STK36: variants seen among roughly 807,000 people sequenced by gnomAD.
STK36 encodes serine/threonine kinase 36.
A neutral mutation model predicts 142.2 loss-of-function variants in STK36; 116 were observed. The ratio of observed to expected loss-of-function variants is 0.82; its 90% CI spans 0.70 to 0.95. The LOEUF is 0.95. Ranked by LOEUF, STK36 falls within the 40% of genes least tolerant of loss-of-function variation. STK36 has a pLI of 0.00. For synonymous variants in STK36, 619 were observed against 641.7 expected, an observed-to-expected ratio of 0.96 and a Z score of 0.53; for missense variants, 1,422 against 1,617.2, an observed-to-expected ratio of 0.88 and a Z score of 2.07.
At chr2:218,677,462 G>T (rs1471708769) in intron 6 of STK36, among the ~76,000 whole-genome samples, 1 of 152,212 alleles carries the variant, frequency 6.6e-6, no homozygotes, top group Admixed American at 6.5e-5. Context: ...TCTTAATTCT[G>T]GGAGGGTGTT....
At chr2:218,700,132 G>A (rs1227202908) in intron 26 of STK36, among the ~76,000 whole-genome samples, 3 of 151,992 alleles carry the variant, frequency 2.0e-5, no homozygotes, top group Non-Finnish European at 4.4e-5. Context: ...TGTTGGTCAG[G>A]CTGGTCTCGA....
chr2:218,692,183 G>A lies in STK36; in HGVS notation c.1805G>A (p.Arg602Gln), dbSNP rs201058993. ...TGCGAAGCCATGGATGGGAACAGCCGGGCCATCTCCAAAGCCTTTTACTCC... is the reference window on the plus strand; with the variant it reads ...TGCGAAGCCATGGATGGGAACAGCCAGGCCATCTCCAAAGCCTTTTACTCC... Reference protein sequence around the residue: ...VLCEAMDGNSRAISKAFYSSL... With the variant: ...VLCEAMDGNSQAISKAFYSSL... Residue 602 changes from arginine to glutamine, a missense_variant, in exon 15 of 27, where the codon CGG (arginine) becomes CAG (glutamine). By Grantham distance (43) the Arg-to-Gln change is conservative. Transcript: ENST00000295709. 251 of 1,614,016 alleles carry A rather than the reference G, an allele frequency of 1.6e-4. No individual in the cohort carries two copies. The highest frequency in any genetic ancestry group is 4.0e-5 in the Non-Finnish European group (47 of 1,180,052).
At position 218,681,464 on chromosome 2, in the gene STK36, CT is replaced by C. The variant is rs544860062; in HGVS notation, c.1236+770del. ...TTAATATGTTTTTTTTGAGTTTTGC[CT>C]TTTTTTTAAAATAATTTCAAACTTA... On this transcript the variant is annotated intron_variant, in intron 10 of 26. Coordinates refer to ENST00000295709, the MANE Select transcript of STK36 (RefSeq NM_015690.5). Among the ~76,000 whole-genome samples the C allele has an allele frequency of 6.7e-4, 102 of 152,038 alleles. 1 individual carries two copies. The highest frequency in any genetic ancestry group is 1.1e-3 in the Non-Finnish European group (78 of 67,964).
rs1559342702 is a variant in STK36, at chr2:218,694,313, G to A, written c.2386G>A (p.Val796Ile). 1 of 1,614,102 alleles carries A rather than the reference G, an allele frequency of 6.2e-7. No individual in the cohort carries two copies. The highest frequency in any genetic ancestry group is 8.5e-7 in the Non-Finnish European group (1 of 1,179,934). Residue 796 changes from valine to isoleucine, a missense_variant, in exon 20 of 27, where the codon GTC becomes ATC. By Grantham distance (29) the Val-to-Ile change is conservative (BLOSUM62 3). Transcript: ENST00000295709. The surrounding 1 kb of genome is among the most constrained non-coding windows in gnomAD (Gnocchi z 4.4). ...DVATLFTHSH[V>I]VSLVSAAACL... ...TGCTACTCTCTTTACCCATTCGCAT[G>A]TCGTCTCTCTTGTGGTAAGTTTTTA...
At chr2:218,680,527 A>G in intron 9 of STK36, 76 bp from the exon 10 acceptor site, 1 of 1,218,866 alleles carries the variant, frequency 8.2e-7, no homozygotes, top group Non-Finnish European at 1.2e-6. Flanking sequence ...TCCTGGGTCT[A>G]CAGAGAGGGA....
At chr2:218,697,237 T>C in intron 23 of STK36, 24 bp downstream of exon 23, 1 of 1,601,498 alleles carries the variant, frequency 6.2e-7, no homozygotes, top group Non-Finnish European at 8.5e-7. Flanking sequence ...AGTATCCTTT[T>C]TGGGAGTGCA....
At position 218,672,825 on chromosome 2, in the gene STK36, C is replaced by T. The variant is rs768412752; in HGVS notation, c.-5C>T. 8 of 1,613,984 alleles carry T rather than the reference C, an allele frequency of 5.0e-6. No individual in the cohort carries two copies. Among genetic ancestry groups the T allele is most frequent in the Middle Eastern group, 1.6e-4 (1 of 6,062 alleles). On this transcript the variant is annotated 5_prime_UTR_variant, in exon 2 of 27. Coordinates refer to ENST00000295709, the MANE Select transcript of STK36 (RefSeq NM_015690.5). ...TTCCTTCTAAGAGATCCTGAAACCT[C>T]TGTCATGGAAAAGTACCACGTGTTG...
chr2:218,692,399 G>T, intron 15 of STK36, 106 bp downstream of exon 15: 1 of 1,522,894 alleles, frequency 6.6e-7, no homozygotes, highest in South Asian at 1.2e-5. Context: ...TTTAGTAGGT[G>T]CTCAATAAAT....
In STK36 at chr2:218,697,539, G is replaced by T; in HGVS notation, c.2838G>T (p.Gln946His). 1 of 1,614,228 alleles carries T rather than the reference G, an allele frequency of 6.2e-7. No individual in the cohort carries two copies. Among genetic ancestry groups the T allele is most frequent in the Non-Finnish European group, 8.5e-7 (1 of 1,180,050 alleles). Residue 946 changes from glutamine (Q) to histidine (H), a missense_variant, in exon 24 of 27, where the codon CAG becomes CAT. Physicochemically the swap from Gln to His is conservative, Grantham distance 24 (BLOSUM62 0). This residue lies in a region of STK36 where 962 missense variants were observed against 1,167.5 expected (regional missense o/e 0.82). Coordinates refer to ENST00000295709, the MANE Select transcript of STK36 (RefSeq NM_015690.5). ...AGTTATGCCTGAGCTGCCTGTCCCAGCATGGAAGTATCCTCATGTCCATCC... is the reference window on the plus strand; with the variant it reads ...AGTTATGCCTGAGCTGCCTGTCCCATCATGGAAGTATCCTCATGTCCATCC... ...EPQLCLSCLSQHGSILMSILK... is the reference protein window; with the variant it reads ...EPQLCLSCLSHHGSILMSILK...
chr2:218,686,466 C>T (rs1940783403), intron 11 of STK36, among the ~76,000 whole-genome samples: 1 of 151,870 alleles, frequency 6.6e-6, no homozygotes, highest in African/African-American at 2.4e-5. Flanking sequence ...ACCATGTTGC[C>T]CAGGCTGGTC....
At chr2:218,674,833 CA>C (rs1373009500) in intron 4 of STK36, among the ~76,000 whole-genome samples, 3 of 152,190 alleles carry the variant, frequency 2.0e-5, no homozygotes, top group Non-Finnish European at 4.4e-5. Flanking sequence ...CTGCTGGCCT[CA>C]GGTGATCTGC....
chr2:218,673,162 A>G (rs1391022241), intron 2 of STK36: 2 of 465,968 alleles, frequency 4.3e-6, no homozygotes, highest in Non-Finnish European at 7.8e-6. Context: ...TATCTCTAGA[A>G]TGGGGATAAG....
intron 10 of STK36, among the ~76,000 whole-genome samples, chr2:218,681,372 C>T (rs1940513931): frequency 6.6e-6 from 1 of 152,190 alleles, no homozygotes; most frequent in African/African-American, 2.4e-5. Flanking sequence ...GGTGATCTGC[C>T]TGCCTCAGCC....
intron 11 of STK36, chr2:218,688,437 C>T (rs1235284488): frequency 1.7e-6 from 1 of 590,334 alleles, no homozygotes; most frequent in Non-Finnish European, 3.1e-6. Context: ...GGCACTTAGT[C>T]TGACAGAGAT....
At chr2:218,685,583 T>G (rs1203780526) in intron 11 of STK36, among the ~76,000 whole-genome samples, 1 of 152,186 alleles carries the variant, frequency 6.6e-6, no homozygotes, top group Non-Finnish European at 1.5e-5. Context: ...AAAATATAAA[T>G]GTAACAATTA....
At chr2:218,700,998 C>T (rs1344007652) in intron 26 of STK36, among the ~76,000 whole-genome samples, 3 of 144,056 alleles carry the variant, frequency 2.1e-5, no homozygotes, top group South Asian at 4.4e-4. Flanking sequence ...GGTGACATAG[C>T]GAGACTCTGT....
At chr2:218,700,061 T>C (rs1475621344) in intron 26 of STK36, among the ~76,000 whole-genome samples, 1 of 152,106 alleles carries the variant, frequency 6.6e-6, no homozygotes, top group Admixed American at 6.5e-5. Context: ...GTAGCTGCAT[T>C]ATAGGCATGT....
At position 218,697,151 on chromosome 2, in the gene STK36, G is replaced by A. The variant is rs1941265227; in HGVS notation, c.2699G>A (p.Gly900Glu). 8.1e-6 allele frequency: 13 copies of A among 1,614,148 alleles called. No homozygotes were observed. The highest frequency in any genetic ancestry group is 1.1e-5 in the Non-Finnish European group (13 of 1,180,036). The change falls in exon 23 of 27, where the codon GGG becomes GAG. Residue 900 changes from glycine to glutamate, a missense_variant. This residue lies in a region of STK36 where 962 missense variants were observed against 1,167.5 expected (regional missense o/e 0.82). Coordinates refer to ENST00000295709, the MANE Select transcript of STK36 (RefSeq NM_015690.5). ...RLPEEASAQE[G>E]ELSLSSPPSP... ...CCCGAGGAGGCATCTGCACAGGAAG[G>A]GGAGCTTTCGCTATCCAGTCCACCA...
At position 218,697,230 on chromosome 2, in the gene STK36, A is replaced by T. The variant is rs768981159; in HGVS notation, c.2761+17A>T. ...CTCCCCAGGGTATCTTTCTATCAGTATCCTTTTTGGGAGTGCATTGATCTC... is the reference window on the plus strand; with the variant it reads ...CTCCCCAGGGTATCTTTCTATCAGTTTCCTTTTTGGGAGTGCATTGATCTC... On this transcript the variant is annotated intron_variant, in intron 23 of 26. Transcript: ENST00000295709. The T allele has an allele frequency of 6.2e-6, 10 of 1,606,116 alleles. No individual in the cohort carries two copies. In the East Asian group the frequency reaches 2.0e-4, roughly 32 times the overall value.
Sources: allele counts gnomAD v4.1 joint callset (sites outside exome capture counted in the v4.1 genomes callset), GRCh38; gene constraint gnomAD v4.1.1; regional missense constraint gnomAD v4.1.1; non-coding constraint Gnocchi (gnomAD v3.1); transcripts MANE v1.5; gene names NCBI Gene and HGNC (gene_info 2026-07-23, HGNC 2026-07-21).